The following PHRF1 variants were observed in gnomAD, a reference collection of about 807,000 sequenced individuals.
PHRF1 encodes the protein PHD and RING finger domain-containing protein 1.
A neutral mutation model predicts 128.9 loss-of-function variants in PHRF1; 53 were observed. The observed-to-expected ratio is 0.41, with a 90% confidence interval of 0.33 to 0.52. The LOEUF (loss-of-function observed/expected upper bound fraction) is 0.52. Ranked by LOEUF, PHRF1 falls within the 20% of genes least tolerant of loss-of-function variation. PHRF1 has a pLI of 0.21. For synonymous variants in PHRF1, 1,178 were observed against 980.6 expected, an observed-to-expected ratio of 1.20 and a Z score of -3.76; for missense variants, 2,503 against 2,284.5, an observed-to-expected ratio of 1.10 and a Z score of -1.95.
chr11:610,980 G>A lies in PHRF1; in HGVS notation c.4704G>A (p.Glu1568=), dbSNP rs199791071. 1.2e-6 allele frequency: 2 copies of A among 1,613,438 alleles called. No individual in the cohort carries two copies. The highest frequency in any genetic ancestry group is 1.7e-6 in the Non-Finnish European group (2 of 1,179,810). ...ACATGAAGAAGCTGCACATGCAGGA[G>A]CGTGCTGTGGAGGAGGTGAAGCTGG... ...EEYMKKLHMQ[E]RAVEEVKLAI... The change falls in exon 17 of 18, where the codon GAG becomes GAA. Residue 1568 remains glutamate (E), a synonymous_variant. Coordinates refer to ENST00000264555, the MANE Select transcript of PHRF1 (RefSeq NM_001286581.2).
Position 611,993 on chromosome 11 carries a change from CT to C in PHRF1, c.*220del. 1.5e-6 allele frequency: 1 copy of C among 660,670 alleles called. No homozygotes were observed. Among genetic ancestry groups the C allele is most frequent in the Non-Finnish European group, 2.5e-6 (1 of 395,376 alleles). The allele number at this position is 660,670 out of a possible 1,614,324, so 40.9% of individuals were successfully genotyped here. ...GTTGCTCACAGTTGAAAACTGGACACTTTTGTATGTATATTATAGAGACACT... is the reference window on the plus strand; with the variant it reads ...GTTGCTCACAGTTGAAAACTGGACACTTTGTATGTATATTATAGAGACACT... On this transcript the variant is annotated 3_prime_UTR_variant, in exon 18 of 18. Coordinates refer to ENST00000264555, the MANE Select transcript of PHRF1 (RefSeq NM_001286581.2).
At position 609,083 on chromosome 11, in the gene PHRF1, G is replaced by A. The variant is rs750525402; in HGVS notation, c.3627G>A (p.Gly1209=). 6.2e-7 allele frequency: 1 copy of A among 1,603,050 alleles called. No homozygotes were observed. Among genetic ancestry groups the A allele is most frequent in the Non-Finnish European group, 8.5e-7 (1 of 1,175,372 alleles). The change falls in exon 14 of 18, where the codon GGG becomes GGA. Residue 1209 remains glycine (G), a synonymous_variant. Coordinates refer to ENST00000264555, the MANE Select transcript of PHRF1 (RefSeq NM_001286581.2). The part of the protein sequence containing the change: ...REASPAPLAQ[G]EPGREDLPTR... ...CTTCCCCAGCGCCCCTTGCACAGGGGGAGCCAGGGCGGGAAGACCTCCCCA... is the reference window on the plus strand; with the variant it reads ...CTTCCCCAGCGCCCCTTGCACAGGGAGAGCCAGGGCGGGAAGACCTCCCCA...
intron 9 of PHRF1, among the ~76,000 whole-genome samples, chr11:599,832 C>T (rs185626939): frequency 5.9e-5 from 9 of 152,040 alleles, no homozygotes; most frequent in African/African-American, 1.9e-4. Flanking sequence ...CCGGGGGTCT[C>T]GGCGTCTGTG....
intron 1 of PHRF1, among the ~76,000 whole-genome samples, chr11:579,955 A>G (rs907371721): frequency 6.6e-6 from 1 of 152,220 alleles, no homozygotes; most frequent in Non-Finnish European, 1.5e-5. Flanking sequence ...TGGCGCTGAC[A>G]GCCACTTTCC....
At chr11:585,580 C>CTTCAACTCTTTTTT (rs1564841172) in intron 3 of PHRF1, among the ~76,000 whole-genome samples, 5 of 121,766 alleles carry the variant, frequency 4.1e-5, no homozygotes, top group African/African-American at 1.4e-4. Context: ...GGTAGTAGCC[C>CTTCAACTCTTTTTT]TTTCCAGCTT....
chr11:608,365 C>G lies in PHRF1; in HGVS notation c.2909C>G (p.Ala970Gly), dbSNP rs1856095298. 1.9e-6 allele frequency: 3 copies of G among 1,610,560 alleles called. No homozygotes were observed. The African/African-American group carries it at 4.0e-5, about 22-fold the overall frequency. Residue 970 changes from alanine (A) to glycine (G), a missense_variant, in exon 14 of 18, where the codon GCC becomes GGC. By Grantham distance (60) the Ala-to-Gly change is moderately conservative (BLOSUM62 0). Transcript: ENST00000264555. ...TGTGTGACTGTCGTGGAGCCGGAAG[C>G]CCCACCCAGCCCGGACGTGCTGCAG... ...VTCVTVVEPE[A>G]PPSPDVLQAA... is the part of the protein sequence containing the mutation.
In PHRF1 at chr11:597,339, TGGG is replaced by T; in HGVS notation, c.719-53_719-51del. 1 of 1,565,552 alleles carries T rather than the reference TGGG, an allele frequency of 6.4e-7. No individual in the cohort carries two copies. Among genetic ancestry groups the T allele is most frequent in the Non-Finnish European group, 8.7e-7 (1 of 1,153,126 alleles). ...GGCCGGCAGCCACAGGGGGAGCCGTTGGGGGAGGCGTGTGGCCTGTGAGTGTGG... is the reference window on the plus strand; with the variant it reads ...GGCCGGCAGCCACAGGGGGAGCCGTTGGAGGCGTGTGGCCTGTGAGTGTGG... On this transcript the variant is annotated intron_variant, in intron 7 of 17. Coordinates refer to ENST00000264555, the MANE Select transcript of PHRF1 (RefSeq NM_001286581.2). The surrounding 1 kb of genome is among the most constrained non-coding windows in gnomAD (Gnocchi z 6.5).
At chr11:603,605 GATT>G (rs1405785645) in intron 10 of PHRF1, among the ~76,000 whole-genome samples, 1 of 152,092 alleles carries the variant, frequency 6.6e-6, no homozygotes, top group Non-Finnish European at 1.5e-5. Context: ...AAAGTGCTGG[GATT>G]ACAGGTGTGA....
chr11:606,937 C>A, intron 13 of PHRF1, 129 bp from the exon 14 acceptor site: 1 of 1,405,904 alleles, frequency 7.1e-7, no homozygotes, highest in Non-Finnish European at 9.5e-7. Context: ...GCGAGGTGTC[C>A]ACCTCAACAG....
rs760158031 is a variant in PHRF1, at chr11:607,667, G to C, written c.2211G>C (p.Val737=). The change falls in exon 14 of 18, where the codon GTG becomes GTC. Residue 737 remains valine (V), a synonymous_variant. Transcript: ENST00000264555. ...CAGAGAGCGAGGCCAGCAGCAGGGT[G>C]CCCCGGGAGCCCGGGGTGCACACGG... ...TRAESEASSR[V]PREPGVHTGS... 6.2e-7 allele frequency: 1 copy of C among 1,610,106 alleles called. No individual in the cohort carries two copies.
In PHRF1 at chr11:607,233, G is replaced by A. The variant is rs781036601; in HGVS notation, c.1777G>A (p.Ala593Thr). ...CTGTCAAGGCAGGTCCCGCACCCCC[G>A]CCCGCACCGCGGGGGCGCCTGTGAG... ...LSCQGRSRTP[A>T]RTAGAPVRLD... The change falls in exon 14 of 18, where the codon GCC becomes ACC. Residue 593 changes from alanine to threonine, a missense_variant. Coordinates refer to ENST00000264555, the MANE Select transcript of PHRF1 (RefSeq NM_001286581.2). The A allele has an allele frequency of 2.2e-5, 36 of 1,612,322 alleles. No homozygotes were observed. Among genetic ancestry groups the A allele is most frequent in the African/African-American group, 4.0e-5 (3 of 75,042 alleles).
chr11:597,132 A>G lies in PHRF1; in HGVS notation c.718+112A>G, dbSNP rs1855328452. On this transcript the variant is annotated intron_variant, in intron 7 of 17. Transcript: ENST00000264555. This position sits in a 1 kb window ranked among gnomAD's most constrained non-coding sequence, Gnocchi z 6.5. The stretch of plus-strand genomic sequence containing the variant: ...TGGGGAGGACATCTAGGGCTGTCTC[A>G]TGGGGGTTAGGGTTGGCTGCGGTGT... The G allele has an allele frequency of 5.9e-6, 7 of 1,189,470 alleles. No individual in the cohort carries two copies. Among genetic ancestry groups the G allele is most frequent in the Non-Finnish European group, 7.2e-6 (6 of 838,344 alleles). The allele number at this position is 1,189,470 out of a possible 1,614,324, so 73.7% of individuals were successfully genotyped here.
Position 605,104 on chromosome 11 carries a change from T to C in PHRF1, c.1153-15T>C. On this transcript the variant is annotated splice_polypyrimidine_tract_variant and intron_variant, in intron 10 of 17. Transcript: ENST00000264555. ...CCGTCTCTCTGTTCATCTTTTTCTT[T>C]GTTACTGGATTCAGAGTGAAGCCAC... 5 of 1,597,440 alleles carry C rather than the reference T, an allele frequency of 3.1e-6. No individual in the cohort carries two copies. Among genetic ancestry groups the C allele is most frequent in the Non-Finnish European group, 4.3e-6 (5 of 1,167,284 alleles).
chr11:583,033 CAAAG>C (rs961679625), intron 3 of PHRF1, among the ~76,000 whole-genome samples: 2 of 150,234 alleles, frequency 1.3e-5, no homozygotes, highest in Non-Finnish European at 3.0e-5. Context: ...GACTCCATCT[CAAAG>C]GAAGAAAAAG....
In PHRF1 at chr11:608,016, C is replaced by G. The variant is rs761674264; in HGVS notation, c.2560C>G (p.Leu854Val). ...CAGCCCCGAGAGGTCTGGCCCCGGCCTCCTGCCCTCTGAGATCACACGAAC... is the reference window on the plus strand; with the variant it reads ...CAGCCCCGAGAGGTCTGGCCCCGGCGTCCTGCCCTCTGAGATCACACGAAC... Reference protein sequence around the residue: ...GSSPERSGPGLLPSEITRTIS... With the variant: ...GSSPERSGPGVLPSEITRTIS... The change falls in exon 14 of 18, where the codon CTC becomes GTC. Residue 854 changes from leucine (L) to valine (V), a missense_variant. Transcript: ENST00000264555. 6.2e-7 allele frequency: 1 copy of G among 1,611,222 alleles called. No homozygotes were observed. Among genetic ancestry groups the G allele is most frequent in the Non-Finnish European group, 8.5e-7 (1 of 1,179,860 alleles).
Position 610,492 on chromosome 11 carries a change from C to T in PHRF1, c.4417-9C>T, listed in dbSNP as rs1856302978. ...AGGGCCCAGTGCTCAGCAGGGGTGTCCCTCCCAGGTTTACAGCCCCGGCCT... is the reference window on the plus strand; with the variant it reads ...AGGGCCCAGTGCTCAGCAGGGGTGTTCCTCCCAGGTTTACAGCCCCGGCCT... On this transcript the variant is annotated splice_polypyrimidine_tract_variant and intron_variant, in intron 15 of 17. Transcript: ENST00000264555. The T allele has an allele frequency of 6.9e-6, 11 of 1,600,718 alleles. No homozygotes were observed. Among genetic ancestry groups the T allele is most frequent in the Non-Finnish European group, 9.4e-6 (11 of 1,175,984 alleles).
In PHRF1 at chr11:581,579, G is replaced by A; in HGVS notation, c.67G>A (p.Gly23Ser). 1.9e-6 allele frequency: 3 copies of A among 1,613,214 alleles called. No homozygotes were observed. Among genetic ancestry groups the A allele is most frequent in the Non-Finnish European group, 1.7e-6 (2 of 1,179,802 alleles). ...SPGPDGHPQV[G>S]PADPAGDFEE... Reference sequence around the variant, plus strand: ...AGGGCCGGATGGACACCCACAGGTCGGCCCTGCGGACCCGGCAGGTGACTT... The same window carrying A: ...AGGGCCGGATGGACACCCACAGGTCAGCCCTGCGGACCCGGCAGGTGACTT... The change falls in exon 2 of 18, where the codon GGC (glycine) becomes AGC (serine). Residue 23 changes from glycine to serine, a missense_variant. Coordinates refer to ENST00000264555, the MANE Select transcript of PHRF1 (RefSeq NM_001286581.2).
In PHRF1 at chr11:606,604, C is replaced by T; in HGVS notation, c.1609+8C>T. On this transcript the variant is annotated splice_region_variant and intron_variant, in intron 13 of 17. Transcript: ENST00000264555. ...TCAGCGCCAAGAGGGCGGGTGAGTGCCTTCCCTGCCACGGCCCCTTCCTCT... is the reference window on the plus strand; with the variant it reads ...TCAGCGCCAAGAGGGCGGGTGAGTGTCTTCCCTGCCACGGCCCCTTCCTCT... 1.3e-6 allele frequency: 2 copies of T among 1,593,582 alleles called. No individual in the cohort carries two copies. Among genetic ancestry groups the T allele is most frequent in the Non-Finnish European group, 1.7e-6 (2 of 1,168,708 alleles).
chr11:604,031 C>G (rs1292354730), intron 10 of PHRF1, among the ~76,000 whole-genome samples: 2 of 152,222 alleles, frequency 1.3e-5, no homozygotes, highest in East Asian at 3.9e-4. Context: ...ATGCATTATT[C>G]GAACATCCGA....
Sources: allele counts gnomAD v4.1 joint callset (sites outside exome capture counted in the v4.1 genomes callset), GRCh38; gene constraint gnomAD v4.1.1; non-coding constraint Gnocchi (gnomAD v3.1); transcripts MANE v1.5; gene names NCBI Gene and HGNC (gene_info 2026-07-23, HGNC 2026-07-21).